CTNNA2: variants seen among roughly 807,000 people sequenced by gnomAD.
CTNNA2 encodes catenin alpha 2.
A neutral mutation model predicts 101.0 loss-of-function variants in CTNNA2; 42 were observed. The observed-to-expected ratio is 0.42, with a 90% CI of 0.32 to 0.54. The LOEUF (loss-of-function observed/expected upper bound fraction) is 0.54, where lower values mean the gene tolerates loss of function less well. CTNNA2 is among the 20% of genes least tolerant of loss of function. CTNNA2 has a pLI of 0.14. For missense variants in CTNNA2, 871 were observed against 1,223.1 expected (o/e 0.71, Z 4.29); for synonymous variants, 450 against 456.4 (o/e 0.99, Z 0.18).
chr2:80,245,242 G>T (rs1671231472), intron 7 of CTNNA2, among the ~76,000 whole-genome samples: 1 of 152,178 alleles, frequency 6.6e-6, no homozygotes, highest in South Asian at 2.1e-4. Context: ...TTCTTTGTCA[G>T]TGAACTCTCT....
chr2:79,729,504 A>G (rs1264416409), intron 2 of CTNNA2, among the ~76,000 whole-genome samples: 2 of 152,132 alleles, frequency 1.3e-5, no homozygotes, highest in East Asian at 3.9e-4. Context: ...GAATGCTTCC[A>G]TACTAATTAT....
chr2:80,586,556 AAG>A (rs1695987937), intron 14 of CTNNA2: 1 of 152,180 alleles, frequency 6.6e-6, no homozygotes, highest in African/African-American at 2.4e-5. Flanking sequence ...TTAAGGAAAA[AAG>A]TGCATATATA....
rs558450184 is a variant in CTNNA2 at position 79,584,520 on chromosome 2, CT to C, written c.-5-67017del. On this transcript the variant is annotated intron_variant, in intron 1 of 18. Transcript: ENST00000402739. ...AAAAATGTAGAAGCAGGTAGATTTT[CT>C]TTTTTTTTTTTTTTCTTTTTTTGAC... Among the ~76,000 whole-genome samples, 1,159 of 134,086 alleles carry C rather than the reference CT, an allele frequency of 8.6e-3. 36 individuals are homozygous for C. The East Asian group carries it at 0.11, about 13-fold the overall frequency. The allele number at this position is 134,086 out of a possible 152,430, so 88.0% of individuals were successfully genotyped here. A position where few individuals can be genotyped will look rare whatever the true frequency, so the allele number is the denominator to read the frequency against.
intron 8 of CTNNA2, among the ~76,000 whole-genome samples, chr2:80,396,677 TG>T (rs1218967680): frequency 6.6e-6 from 1 of 152,246 alleles, no homozygotes; most frequent in Non-Finnish European, 1.5e-5. Flanking sequence ...ATATTATTTT[TG>T]TACTTTTATT....
chr2:79,338,575 A>ATCTTCCTCTTCT (rs1239699778), intron 3 of CTNNA2, among the ~76,000 whole-genome samples: 1 of 115,422 alleles, frequency 8.7e-6, no homozygotes, highest in African/African-American at 3.4e-5. Flanking sequence ...CTTCCTCCTC[A>ATCTTCCTCTTCT]TCATCTTCTT....
At chr2:79,592,807 A>G (rs1676948023) in intron 1 of CTNNA2, among the ~76,000 whole-genome samples, 1 of 152,204 alleles carries the variant, frequency 6.6e-6, no homozygotes, top group South Asian at 2.1e-4. Context: ...GACTCTATCC[A>G]GCTAATTTTT....
intron 3 of CTNNA2, among the ~76,000 whole-genome samples, chr2:79,338,572 C>CTTATCT (rs1677050201): frequency 7.9e-6 from 1 of 127,164 alleles, no homozygotes; most frequent in African/African-American, 3.0e-5. Context: ...CTTCTTCCTC[C>CTTATCT]TCATCATCTT....
intron 3 of CTNNA2, among the ~76,000 whole-genome samples, chr2:79,792,203 T>C (rs1482990813): frequency 6.6e-6 from 1 of 152,162 alleles, no homozygotes; most frequent in Admixed American, 6.6e-5. Context: ...ATCTCTCACA[T>C]TTCTGCACAT....
intron 7 of CTNNA2, among the ~76,000 whole-genome samples, chr2:80,244,270 A>C (rs1353293403): frequency 6.6e-6 from 1 of 152,238 alleles, no homozygotes; most frequent in African/African-American, 2.4e-5. Context: ...AGTACATGTT[A>C]TTTGTAGATT....
intron 7 of CTNNA2, among the ~76,000 whole-genome samples, chr2:80,300,282 GTGTGTGTGTGTGTGTGT>G (rs947699846): frequency 1.1e-4 from 1 of 8,796 alleles, no homozygotes; most frequent in African/African-American, 5.6e-4. Context: ...GGGTGTTGGG[GTGTGTGTGTGTGTGTGT>G]GTGTGTGTGT....
rs115947794 is a variant in CTNNA2, at chr2:79,335,536, A to T, written c.-318+22740A>T. On this transcript the variant is annotated intron_variant, in intron 3 of 21. Coordinates refer to the CTNNA2 transcript ENST00000466387. Reference sequence around the variant, plus strand: ...ACTTCCTCAATTTCCTTCCAGGTAAAATTTACATTTTTTCACAAAAGCCTT... The same window carrying T: ...ACTTCCTCAATTTCCTTCCAGGTAATATTTACATTTTTTCACAAAAGCCTT... Among the ~76,000 whole-genome samples, 460 of 152,284 alleles carry T rather than the reference A, an allele frequency of 3.0e-3. 3 individuals are homozygous for T. The highest frequency in any genetic ancestry group is 9.8e-3 in the African/African-American group (409 of 41,568).
intron 7 of CTNNA2, among the ~76,000 whole-genome samples, chr2:79,980,503 G>A (rs1558695518): frequency 6.6e-6 from 1 of 151,936 alleles, no homozygotes; most frequent in African/African-American, 2.4e-5. Flanking sequence ...AATTATAGCA[G>A]TTATTACTGA....
At chr2:79,545,111 C>A (rs2104012133) in intron 1 of CTNNA2, among the ~76,000 whole-genome samples, 1 of 152,298 alleles carries the variant, frequency 6.6e-6, no homozygotes, top group African/African-American at 2.4e-5. Context: ...TGTCAGCCCC[C>A]TTACTCACTC....
At chr2:79,571,125 A>T (rs1239169135) in intron 1 of CTNNA2, among the ~76,000 whole-genome samples, 1 of 152,222 alleles carries the variant, frequency 6.6e-6, no homozygotes. Context: ...CTGGAGGATT[A>T]TGCATCATAG....
intron 4 of CTNNA2, among the ~76,000 whole-genome samples, chr2:79,462,599 T>C (rs1195274303): frequency 6.6e-6 from 1 of 152,188 alleles, no homozygotes; most frequent in Admixed American, 6.5e-5. Context: ...GTATAGGAAA[T>C]GTGTCTGTTT....
Position 79,773,710 on chromosome 2 carries a change from C to T in CTNNA2, c.298+29128C>T, listed in dbSNP as rs143600759. On this transcript the variant is annotated intron_variant, in intron 3 of 18. Transcript: ENST00000402739. ...TATGGAGAATGGGGGTCTTAAGGCA[C>T]CCACTGAGAGGCCTCATGCAAAGGT... is the stretch of plus-strand genomic sequence containing the variant. 3.2e-4 allele frequency among the ~76,000 whole-genome samples: 49 copies of T among 152,112 alleles called. No homozygotes were observed. The East Asian group carries it at 8.7e-3, about 27-fold the overall frequency.
chr2:79,829,265 T>C (rs1361776539), intron 3 of CTNNA2, among the ~76,000 whole-genome samples: 1 of 151,662 alleles, frequency 6.6e-6, no homozygotes, highest in Non-Finnish European at 1.5e-5. Flanking sequence ...ATGCCTGTAA[T>C]CCCAGCACTT....
intron 3 of CTNNA2, among the ~76,000 whole-genome samples, chr2:79,759,296 G>A (rs1672616225): frequency 6.6e-6 from 1 of 152,018 alleles, no homozygotes; most frequent in South Asian, 2.1e-4. Context: ...GAGAGGCTGG[G>A]GCAGGAGGAT....
chr2:79,727,683 C>T (rs1330852048), intron 2 of CTNNA2, among the ~76,000 whole-genome samples: 2 of 150,062 alleles, frequency 1.3e-5, no homozygotes, highest in Non-Finnish European at 3.0e-5. Context: ...CCCATTAACT[C>T]GTCATTTAGC....
Sources: allele counts gnomAD v4.1 joint callset (sites outside exome capture counted in the v4.1 genomes callset), GRCh38; gene constraint gnomAD v4.1.1; transcripts MANE v1.5; gene names NCBI Gene and HGNC (gene_info 2026-07-23, HGNC 2026-07-21).